TEF: variants seen among roughly 807,000 people sequenced by gnomAD.
The protein encoded by TEF is TEF transcription factor, PAR bZIP family member.
A neutral mutation model predicts 20.8 loss-of-function variants in TEF; 3 were observed. The ratio of observed to expected loss-of-function variants is 0.14; its 90% CI spans 0.07 to 0.37. The LOEUF (loss-of-function observed/expected upper bound fraction) is 0.37, where lower values mean the gene tolerates loss of function less well. Ranked by LOEUF, TEF falls within the 10% of genes least tolerant of loss-of-function variation. The probability of loss-of-function intolerance (pLI) is 1.00; values close to 1 mark genes in which losing one functional copy is unlikely to be tolerated. For synonymous variants in TEF, 180 were observed against 171.1 expected, an observed-to-expected ratio of 1.05 and a Z score of -0.41; for missense variants, 296 against 397.9, an observed-to-expected ratio of 0.74 and a Z score of 2.18.
chr22:41,381,510 G>T (rs1054088080), upstream of TEF, among the ~76,000 whole-genome samples: 2 of 152,196 alleles, frequency 1.3e-5, no homozygotes, highest in African/African-American at 2.4e-5. Flanking sequence ...CGGCCTGGCC[G>T]CTCCGAGCTC....
upstream of TEF, among the ~76,000 whole-genome samples, chr22:41,379,908 G>C (rs111650155): frequency 1.1e-5 from 1 of 89,412 alleles, no homozygotes; most frequent in Non-Finnish European, 2.5e-5. Flanking sequence ...AAAAAAAAAA[G>C]AAAAAAAGAA....
chr22:41,384,512 G>A (rs993810286), intron 1 of TEF, among the ~76,000 whole-genome samples: 1 of 152,132 alleles, frequency 6.6e-6, no homozygotes, highest in Non-Finnish European at 1.5e-5. Context: ...AGGAATAAAG[G>A]TCTCTTGAAA....
intron 1 of TEF, chr22:41,367,740 A>G: frequency 2.6e-6 from 2 of 759,134 alleles, no homozygotes; most frequent in Non-Finnish European, 4.2e-6. Flanking sequence ...CTCAGGGTGC[A>G]GAGTGCGGAG....
chr22:41,372,187 G>A (rs1421273490), intron 1 of TEF, among the ~76,000 whole-genome samples: 2 of 152,112 alleles, frequency 1.3e-5, no homozygotes, highest in African/African-American at 2.4e-5. Flanking sequence ...TGAACAAAGA[G>A]GCACTGGCTA....
chr22:41,373,788 G>A (rs564280559), intron 1 of TEF, among the ~76,000 whole-genome samples: 3 of 132,640 alleles, frequency 2.3e-5, no homozygotes, highest in Non-Finnish European at 4.8e-5. Context: ...TTTTTTTGGA[G>A]ACGGAGTCTC....
intron 1 of TEF, chr22:41,383,106 A>G (rs925295097): frequency 2.2e-6 from 1 of 459,474 alleles, no homozygotes; most frequent in Non-Finnish European, 4.5e-6. Context: ...TGCATTTCCA[A>G]GAGCCATCAG....
At chr22:41,387,861 G>A (rs2037116898) in intron 2 of TEF, among the ~76,000 whole-genome samples, 193 bp downstream of exon 2, 2 of 151,970 alleles carry the variant, frequency 1.3e-5, no homozygotes, top group Admixed American at 6.6e-5. Context: ...AAAAATAGTG[G>A]TCATGTCACT....
chr22:41,379,922 AAAAG>A (rs201000899), upstream of TEF, among the ~76,000 whole-genome samples: 72 of 134,120 alleles, frequency 5.4e-4, 2 homozygotes, highest in South Asian at 6.0e-3. Context: ...AAAAGAAAAG[AAAAG>A]AAAAGAAAAT....
intron 2 of TEF, among the ~76,000 whole-genome samples, chr22:41,389,254 A>G (rs532309967): frequency 6.6e-6 from 1 of 152,232 alleles, no homozygotes; most frequent in African/African-American, 2.4e-5. Context: ...ACAAAAAATT[A>G]GCCGGGTGTG....
intron 1 of TEF, among the ~76,000 whole-genome samples, chr22:41,372,986 G>A (rs1422571420): frequency 6.6e-6 from 1 of 152,158 alleles, no homozygotes; most frequent in Non-Finnish European, 1.5e-5. Flanking sequence ...GGGGTACCAG[G>A]TGAGGCTGGA....
In TEF at chr22:41,398,877, G is replaced by C. The variant is rs1407438097; in HGVS notation, c.*2917G>C. On this transcript the variant is annotated 3_prime_UTR_variant, in exon 4 of 4. Coordinates refer to ENST00000266304, the MANE Select transcript of TEF (RefSeq NM_003216.4). ...CCCCGGGAGCCGTGCTCCTTGGAAC[G>C]CAAAGGGCCGAGGAGCATCTGGTTT... The C allele has an allele frequency of 3.9e-5, 6 of 152,674 alleles. No individual in the cohort carries two copies. The highest frequency in any genetic ancestry group is 5.9e-5 in the Non-Finnish European group (4 of 68,060). 9.5% of individuals were successfully genotyped at this position (152,674 alleles called of 1,614,324 possible).
intron 1 of TEF, among the ~76,000 whole-genome samples, chr22:41,385,511 C>T (rs2037087351): frequency 6.6e-6 from 1 of 152,104 alleles, no homozygotes; most frequent in Non-Finnish European, 1.5e-5. Flanking sequence ...CCTCCCTGGG[C>T]TGGGTTGCTG....
chr22:41,388,866 G>A (rs1601822598), intron 2 of TEF, among the ~76,000 whole-genome samples: 1 of 151,812 alleles, frequency 6.6e-6, no homozygotes, highest in East Asian at 1.9e-4. Flanking sequence ...TTTTATTGTG[G>A]AAATTTTTTC....
intron 1 of TEF, among the ~76,000 whole-genome samples, chr22:41,374,374 C>A (rs1319752171): frequency 6.6e-6 from 1 of 152,054 alleles, no homozygotes; most frequent in Non-Finnish European, 1.5e-5. Context: ...CATGGTGCAA[C>A]CCTGTCTCTA....
chr22:41,386,574 C>T (rs770625718), intron 1 of TEF, among the ~76,000 whole-genome samples: 35 of 151,914 alleles, frequency 2.3e-4, no homozygotes, highest in Non-Finnish European at 4.4e-5. Flanking sequence ...AACTCCGTCT[C>T]TACTAAAAAT....
intron 1 of TEF, chr22:41,382,815 T>C: frequency 2.2e-6 from 1 of 453,578 alleles, no homozygotes. Flanking sequence ...GTGAGGCGCC[T>C]TGGGAGGGGA....
intron 1 of TEF, among the ~76,000 whole-genome samples, chr22:41,371,391 C>G (rs571486345): frequency 6.6e-6 from 1 of 152,200 alleles, no homozygotes; most frequent in Non-Finnish European, 1.5e-5. Context: ...GATCTAGAAT[C>G]CTTTCTAGGC....
At chr22:41,395,255 C>T (rs1252852474) in intron 3 of TEF, among the ~76,000 whole-genome samples, 1 of 152,178 alleles carries the variant, frequency 6.6e-6, no homozygotes, top group South Asian at 2.1e-4. Flanking sequence ...ATCCACCTGC[C>T]TCAGCCTCCC....
rs1332159633 is a variant in TEF at position 41,397,109 on chromosome 22, A to G, written c.*1149A>G. On this transcript the variant is annotated 3_prime_UTR_variant, in exon 4 of 4. Coordinates refer to ENST00000266304, the MANE Select transcript of TEF (RefSeq NM_003216.4). ...GCTGCCCGGAGGGTGTCAGCAGGGCAAGACACCTAGTCTAGAGTCACCAAG... is the reference window on the plus strand; with the variant it reads ...GCTGCCCGGAGGGTGTCAGCAGGGCGAGACACCTAGTCTAGAGTCACCAAG... The G allele has an allele frequency of 1.3e-5, 5 of 398,574 alleles. No individual in the cohort carries two copies. Among genetic ancestry groups the G allele is most frequent in the Admixed American group, 8.8e-5 (2 of 22,706 alleles). 24.7% of individuals were successfully genotyped at this position (398,574 alleles called of 1,614,324 possible).
Sources: allele counts gnomAD v4.1 joint callset (sites outside exome capture counted in the v4.1 genomes callset), GRCh38; gene constraint gnomAD v4.1.1; transcripts MANE v1.5; gene names NCBI Gene and HGNC (gene_info 2026-07-23, HGNC 2026-07-21).